The following MIS18A variants were observed in gnomAD, a reference collection of about 807,000 sequenced individuals.
The protein encoded by MIS18A is protein Mis18-alpha.
MIS18A carries 14 observed loss-of-function variants against 25.0 expected under a neutral mutation model. That is an observed-to-expected ratio of 0.56 (90% CI 0.37 to 0.88). The LOEUF (loss-of-function observed/expected upper bound fraction) is 0.88, where lower values mean the gene tolerates loss of function less well. Among genes scored for constraint, MIS18A ranks in the 40% least tolerant of loss-of-function variants. The probability of loss-of-function intolerance (pLI) is 0.00; values close to 1 mark genes in which losing one functional copy is unlikely to be tolerated. For synonymous variants in MIS18A, 134 were observed against 118.6 expected (o/e 1.13, Z -0.84); for missense variants, 292 against 290.8 (o/e 1.00, Z -0.03).
the MIS18A span, among the ~76,000 whole-genome samples, chr21:32,180,439 T>C: frequency 3.3e-5 from 5 of 152,186 alleles, no homozygotes. Context: ...TCCTTTTCCC[T>C]TCCCCACCAA....
the MIS18A span, among the ~76,000 whole-genome samples, chr21:32,220,730 T>C: frequency 6.6e-6 from 1 of 151,986 alleles, no homozygotes; most frequent in South Asian, 2.1e-4. Context: ...CTAAGAACCT[T>C]GATAAAAGGT....
the MIS18A span, among the ~76,000 whole-genome samples, chr21:32,177,923 C>CT: frequency 6.8e-3 from 697 of 102,206 alleles, 5 homozygotes; most frequent in African/African-American, 0.027. Flanking sequence ...GTTTTCTTTT[C>CT]TTTTTTTTTG....
chr21:32,277,831 A>T (rs1029197588), intron 1 of MIS18A: 1 of 152,200 alleles, frequency 6.6e-6, no homozygotes, highest in African/African-American at 2.4e-5. Context: ...CTTTCAGTTA[A>T]CTACTGGACA....
the MIS18A span, among the ~76,000 whole-genome samples, chr21:32,208,266 A>G: frequency 6.6e-6 from 1 of 152,114 alleles, no homozygotes; most frequent in Admixed American, 6.5e-5. Flanking sequence ...TCTAATCCCC[A>G]GTGTTGAAGG....
chr21:32,160,870 A>T, the MIS18A span, among the ~76,000 whole-genome samples: 3 of 152,128 alleles, frequency 2.0e-5, no homozygotes, highest in Non-Finnish European at 4.4e-5. Context: ...ACCTCAGGTG[A>T]TCCGCCTGCC....
the MIS18A span, among the ~76,000 whole-genome samples, chr21:32,253,161 CG>C: frequency 6.6e-6 from 1 of 151,942 alleles, no homozygotes; most frequent in Non-Finnish European, 1.5e-5. Flanking sequence ...GGTGCCCCCC[CG>C]CACGACCCCC....
At chr21:32,159,886 C>T in the MIS18A span, among the ~76,000 whole-genome samples, 1,453 of 152,212 alleles carry the variant, frequency 9.5e-3, 17 homozygotes, top group African/African-American at 0.033. Context: ...GCAGAGGAAG[C>T]TCTTAGGTAG....
At chr21:32,259,593 T>G in the MIS18A span, among the ~76,000 whole-genome samples, 17 of 152,198 alleles carry the variant, frequency 1.1e-4, no homozygotes, top group African/African-American at 4.1e-4. Flanking sequence ...GTTTCTTTCT[T>G]GATCACTGAA....
the MIS18A span, among the ~76,000 whole-genome samples, chr21:32,157,728 A>G: frequency 1.3e-5 from 2 of 152,032 alleles, no homozygotes; most frequent in African/African-American, 2.4e-5. Context: ...TTTTATTTGT[A>G]TAACTTCCTT....
At chr21:32,268,006 G>C (rs1007083588), downstream of MIS18A, among the ~76,000 whole-genome samples, 2 of 152,152 alleles carry the variant, frequency 1.3e-5, no homozygotes, top group Non-Finnish European at 2.9e-5. Flanking sequence ...AAGTAATCAG[G>C]GAACTTCGGA....
intron 2 of MIS18A, among the ~76,000 whole-genome samples, chr21:32,274,336 G>C (rs9982025): frequency 1 from 151,333 of 151,334 alleles, 75,666 homozygotes; most frequent in Middle Eastern, 1. Context: ...TCTTGAGTAG[G>C]TGGGATTACA....
At chr21:32,276,490 A>C (rs762325129) in intron 1 of MIS18A, among the ~76,000 whole-genome samples, 1 of 151,228 alleles carries the variant, frequency 6.6e-6, no homozygotes, top group Non-Finnish European at 1.5e-5. Flanking sequence ...AAAAAAAGGA[A>C]AATATTTTCT....
At chr21:32,242,101 C>T in the MIS18A span, among the ~76,000 whole-genome samples, 9 of 152,178 alleles carry the variant, frequency 5.9e-5, no homozygotes, top group Admixed American at 3.3e-4. Context: ...AGGATGGTCT[C>T]GATCTCCTGA....
chr21:32,190,206 G>GTCTC, the MIS18A span, among the ~76,000 whole-genome samples: 22,925 of 151,690 alleles, frequency 0.15, 1,828 homozygotes, highest in East Asian at 0.24. Context: ...TCATCTCACT[G>GTCTC]TCTCTCTCTC....
At chr21:32,246,369 G>A in the MIS18A span, among the ~76,000 whole-genome samples, 2 of 152,040 alleles carry the variant, frequency 1.3e-5, no homozygotes, top group African/African-American at 4.8e-5. Flanking sequence ...CCTTCGGTAC[G>A]CCCCTTCTTC....
the MIS18A span, among the ~76,000 whole-genome samples, chr21:32,177,288 T>G: frequency 2.6e-5 from 4 of 152,186 alleles, no homozygotes; most frequent in African/African-American, 9.6e-5. Flanking sequence ...AAACTAGGAA[T>G]AGAAAATAAC....
the MIS18A span, among the ~76,000 whole-genome samples, chr21:32,207,012 A>G: frequency 3.3e-5 from 5 of 152,136 alleles, no homozygotes; most frequent in Non-Finnish European, 7.4e-5. Flanking sequence ...CCCTTTCCTC[A>G]TGGGCTTACT....
chr21:32,259,791 A>C, the MIS18A span: 1 of 152,342 alleles, frequency 6.6e-6, no homozygotes, highest in East Asian at 1.9e-4. Context: ...CCCAATCCCA[A>C]GAATTCATTG....
the MIS18A span, among the ~76,000 whole-genome samples, chr21:32,182,027 G>A: frequency 6.6e-6 from 1 of 152,224 alleles, no homozygotes; most frequent in African/African-American, 2.4e-5. Context: ...TGCTTAGCAA[G>A]GGTCTGATGC....
Sources: allele counts gnomAD v4.1 joint callset (sites outside exome capture counted in the v4.1 genomes callset), GRCh38; gene constraint gnomAD v4.1.1; transcripts MANE v1.5; gene names NCBI Gene and HGNC (gene_info 2026-07-23, HGNC 2026-07-21).